The following SGCZ variants were observed in gnomAD, a reference collection of about 807,000 sequenced individuals.
The protein encoded by SGCZ is zeta-sarcoglycan.
SGCZ carries 40 observed loss-of-function variants against 41.3 expected under a neutral mutation model. The ratio of observed to expected loss-of-function variants is 0.97; its 90% confidence interval spans 0.75 to 1.26. SGCZ has a LOEUF of 1.26. SGCZ is among the 50% of genes most tolerant of loss of function. SGCZ has a pLI of 0.00. For synonymous variants in SGCZ, 206 were observed against 137.5 expected (o/e 1.50, Z -3.49); for missense variants, 552 against 369.8 (o/e 1.49, Z -4.04).
intron 1 of SGCZ, among the ~76,000 whole-genome samples, chr8:14,715,274 T>G (rs1031057): frequency 0.39 from 58,544 of 151,710 alleles, 13,141 homozygotes; most frequent in African/African-American, 0.62. Flanking sequence ...CTCCTCCTAA[T>G]AGAGTATGCC....
chr8:14,236,559 A>G (rs1806769864), intron 4 of SGCZ, among the ~76,000 whole-genome samples: 1 of 151,810 alleles, frequency 6.6e-6, no homozygotes. Flanking sequence ...GGAAATATAC[A>G]TTTGCATTTA....
At position 14,493,261 on chromosome 8, in the gene SGCZ, G is replaced by A. The variant is rs142885816; in HGVS notation, c.234+61471C>T. Among the ~76,000 whole-genome samples, 260 of 149,944 alleles carry A rather than the reference G, an allele frequency of 1.7e-3. 1 individual carries two copies. Among genetic ancestry groups the A allele is most frequent in the African/African-American group, 6.1e-3 (249 of 40,880 alleles). On this transcript the variant is annotated intron_variant, in intron 2 of 7. Transcript: ENST00000382080. Reference sequence around the variant, plus strand: ...CTGATGACATGAACCTCCTCAATCTGAATGATTCAATAATATTTTATTCCT... The same window carrying A: ...CTGATGACATGAACCTCCTCAATCTAAATGATTCAATAATATTTTATTCCT...
intron 5 of SGCZ, among the ~76,000 whole-genome samples, chr8:14,141,764 C>G (rs747427092): frequency 2.0e-5 from 3 of 152,130 alleles, no homozygotes; most frequent in African/African-American, 7.2e-5. Flanking sequence ...GTGGCAATTC[C>G]TCAAGGATCT....
intron 1 of SGCZ, among the ~76,000 whole-genome samples, chr8:14,689,976 G>C (rs531322938): frequency 6.6e-6 from 1 of 152,128 alleles, no homozygotes; most frequent in African/African-American, 2.4e-5. Context: ...CAAAGAATAA[G>C]GTTAGAAAAA....
intron 1 of SGCZ, among the ~76,000 whole-genome samples, chr8:15,023,775 T>G (rs1803345223): frequency 6.6e-6 from 1 of 152,154 alleles, no homozygotes; most frequent in Admixed American, 6.6e-5. Flanking sequence ...CAAAAAAGGT[T>G]ATGTGAGAGA....
At chr8:14,459,230 A>G (rs1800833156) in intron 2 of SGCZ, among the ~76,000 whole-genome samples, 1 of 152,038 alleles carries the variant, frequency 6.6e-6, no homozygotes, top group Admixed American at 6.6e-5. Flanking sequence ...GAACACTTGG[A>G]CACAGGAAGG....
intron 4 of SGCZ, among the ~76,000 whole-genome samples, chr8:14,172,005 G>A (rs1804397566): frequency 6.6e-6 from 1 of 152,106 alleles, no homozygotes. Flanking sequence ...TATAGCTAGT[G>A]TATATGGAAT....
intron 5 of SGCZ, among the ~76,000 whole-genome samples, chr8:14,134,022 T>C (rs963960017): frequency 5.3e-5 from 8 of 152,222 alleles, no homozygotes; most frequent in Non-Finnish European, 4.4e-5. Flanking sequence ...TGAATATGCA[T>C]CAGAATATGA....
At chr8:14,240,797 G>A (rs17118863) in intron 3 of SGCZ, among the ~76,000 whole-genome samples, 40,094 of 151,938 alleles carry the variant, frequency 0.26, 5,674 homozygotes, top group South Asian at 0.42. Flanking sequence ...ATATCTTTGT[G>A]GATTAGACCC....
intron 2 of SGCZ, among the ~76,000 whole-genome samples, chr8:14,422,376 C>T (rs370215157): frequency 6.6e-6 from 1 of 152,120 alleles, no homozygotes; most frequent in East Asian, 1.9e-4. Context: ...ACTTTGCTGA[C>T]TTGATAGACA....
intron 1 of SGCZ, among the ~76,000 whole-genome samples, chr8:14,584,115 G>T (rs1267256390): frequency 6.6e-6 from 1 of 152,030 alleles, no homozygotes; most frequent in Non-Finnish European, 1.5e-5. Flanking sequence ...TGCAGACTGA[G>T]GCATGAAATC....
At chr8:14,784,058 T>G (rs938994730) in intron 1 of SGCZ, among the ~76,000 whole-genome samples, 10 of 45,610 alleles carry the variant, frequency 2.2e-4, no homozygotes, top group South Asian at 9.6e-4. Context: ...TTAATGTTTT[T>G]TTTTTTTTTT....
At chr8:14,130,479 C>T (rs1308352824) in intron 5 of SGCZ, among the ~76,000 whole-genome samples, 1 of 145,802 alleles carries the variant, frequency 6.9e-6, no homozygotes, top group African/African-American at 2.4e-5. Flanking sequence ...ATGTTTATTC[C>T]CACACACAAA....
intron 1 of SGCZ, among the ~76,000 whole-genome samples, chr8:14,811,141 T>C (rs1368724557): frequency 6.6e-6 from 1 of 152,026 alleles, no homozygotes; most frequent in African/African-American, 2.4e-5. Flanking sequence ...TAAACTGCAA[T>C]CCAATCTTAA....
In SGCZ at chr8:15,205,143, CTA is replaced by C. The variant is rs1801019800; in HGVS notation, c.39+32440_39+32441del. ...AAAGACTTAAATGTAAAACCCAAAA[CTA>C]TAAAAGCCCTGGAAAACAACGAAGG... On this transcript the variant is annotated intron_variant, in intron 1 of 7. Transcript: ENST00000382080. 2.0e-5 allele frequency among the ~76,000 whole-genome samples: 3 copies of C among 152,092 alleles called. No homozygotes were observed. In the South Asian group the frequency reaches 6.2e-4, roughly 32 times the overall value.
At chr8:15,151,815 C>T (rs544303178) in intron 1 of SGCZ, among the ~76,000 whole-genome samples, 1 of 152,218 alleles carries the variant, frequency 6.6e-6, no homozygotes, top group East Asian at 1.9e-4. Context: ...CAACAGTAAC[C>T]CTGTTTTTCA....
rs1802421130 is a variant in SGCZ at position 14,333,892 on chromosome 8, C to T, written c.235-9688G>A. ...ATTAAGGAGTTATAAGCTCCTGTCT[C>T]CACAGATGTTTAGGAAGTCTATGTA... On this transcript the variant is annotated intron_variant, in intron 2 of 7. Transcript: ENST00000382080. 2.0e-5 allele frequency among the ~76,000 whole-genome samples: 3 copies of T among 152,092 alleles called. No individual in the cohort carries two copies. In the South Asian group the frequency reaches 6.2e-4, roughly 31 times the overall value.
chr8:14,941,386 A>G (rs953388108), intron 1 of SGCZ, among the ~76,000 whole-genome samples: 1 of 152,100 alleles, frequency 6.6e-6, no homozygotes, highest in African/African-American at 2.4e-5. Context: ...GGGTATATTA[A>G]CGCCTCATTC....
At chr8:14,349,568 C>T (rs147758294) in intron 2 of SGCZ, among the ~76,000 whole-genome samples, 2,302 of 152,132 alleles carry the variant, frequency 0.015, 35 homozygotes, top group Middle Eastern at 0.024. Flanking sequence ...CCATCTCCAA[C>T]ATTGGGGGTA....
Sources: allele counts gnomAD v4.1 joint callset (sites outside exome capture counted in the v4.1 genomes callset), GRCh38; gene constraint gnomAD v4.1.1; transcripts MANE v1.5; gene names NCBI Gene and HGNC (gene_info 2026-07-23, HGNC 2026-07-21).